Variants in SPATA46 observed in about 807,000 individuals in gnomAD.
SPATA46 encodes spermatogenesis-associated protein 46.
In SPATA46, 3 loss-of-function variants were observed where a neutral mutation model predicts 6.2. That is an observed-to-expected ratio of 0.48 (90% CI 0.22 to 1.25). The LOEUF is 1.25. Among genes scored for constraint, SPATA46 ranks in the 50% most tolerant of loss-of-function variants. SPATA46 has a pLI of 0.20. For synonymous variants in SPATA46, 117 were observed against 123.3 expected (o/e 0.95, Z 0.34); for missense variants, 308 against 323.5 (o/e 0.95, Z 0.37).
At chr1:162,375,616 G>T (rs1647633047) in intron 1 of SPATA46, among the ~76,000 whole-genome samples, 2 of 152,182 alleles carry the variant, frequency 1.3e-5, no homozygotes, top group Admixed American at 1.3e-4. Context: ...GCCTCAGAAA[G>T]ATCCTCTGGA....
intron 1 of SPATA46, 166 bp downstream of exon 1, chr1:162,376,522 A>G (rs1647673599): frequency 4.3e-6 from 3 of 692,390 alleles, no homozygotes; most frequent in Non-Finnish European, 7.1e-6. Context: ...AATACACAGC[A>G]GTAACTACTT....
rs377090890 is a variant in SPATA46 at position 162,375,369 on chromosome 1, G to A, written c.138C>T (p.Ser46=). ...GGGGTGGCAGGGCCTGAGCTGGGCT[G>A]GATGCCTCAGTGGGTACTGCTGTCT... is the stretch of plus-strand genomic sequence containing the variant. ...IAKTAVPTEA[S]SPAQALPPQY... The change falls in exon 2 of 3, where the codon TCC becomes TCT. Residue 46 remains serine (S), a synonymous_variant. Transcript: ENST00000367935. The A allele has an allele frequency of 2.1e-5, 34 of 1,614,024 alleles. No homozygotes were observed. The highest frequency in any genetic ancestry group is 2.7e-5 in the Non-Finnish European group (32 of 1,180,024).
rs758874828 is a variant in SPATA46, at chr1:162,374,541, G to C, written c.293C>G (p.Pro98Arg). 4.3e-6 allele frequency: 7 copies of C among 1,614,060 alleles called. No homozygotes were observed. The Admixed American group carries it at 5.0e-5, about 12-fold the overall frequency. Residue 98 changes from proline to arginine, a missense_variant, in exon 3 of 3, where the codon CCC (proline) becomes CGC (arginine). By Grantham distance (103) the Pro-to-Arg change is moderately radical (BLOSUM62 -2). Transcript: ENST00000367935. ...GTCTGCACACACGAAGTAGCTGTAG[G>C]GGGAGAACCAGGGCCGGTAGATAGT... The part of the protein sequence containing the change: ...NCTIYRPWFS[P>R]YSYFVCADKE...
Position 162,374,014 on chromosome 1 carries a change from A to T in SPATA46, c.*34T>A. The T allele has an allele frequency of 3.2e-6, 5 of 1,558,734 alleles. No homozygotes were observed. The highest frequency in any genetic ancestry group is 4.3e-6 in the Non-Finnish European group (5 of 1,149,846). Reference sequence around the variant, plus strand: ...GCTGTGCGGGGTGACCTCAGACTGGACAGAAGGCTGTGACTAACTTTATTG... The same window carrying T: ...GCTGTGCGGGGTGACCTCAGACTGGTCAGAAGGCTGTGACTAACTTTATTG... On this transcript the variant is annotated 3_prime_UTR_variant, in exon 3 of 3. Coordinates refer to ENST00000367935, the MANE Select transcript of SPATA46 (RefSeq NM_182581.4).
In SPATA46 at chr1:162,373,956, GT is replaced by G; in HGVS notation, c.*91del. 7.5e-7 allele frequency: 1 copy of G among 1,325,090 alleles called. No individual in the cohort carries two copies. The highest frequency in any genetic ancestry group is 1.0e-6 in the Non-Finnish European group (1 of 964,412). 82.1% of individuals were successfully genotyped at this position (1,325,090 alleles called of 1,614,324 possible). ...GTTGCTAGGCAACCATTAGCCAAAG[GT>G]GATGAGAGCCGGGTTCTGGGAAGGA... On this transcript the variant is annotated 3_prime_UTR_variant, in exon 3 of 3. Transcript: ENST00000367935.
rs372797714 is a variant in SPATA46 at position 162,374,574 on chromosome 1, C to T, written c.260G>A (p.Arg87Gln). The T allele has an allele frequency of 5.6e-5, 90 of 1,613,824 alleles. No individual in the cohort carries two copies. Among genetic ancestry groups the T allele is most frequent in the Non-Finnish European group, 6.6e-5 (78 of 1,179,882 alleles). Residue 87 changes from arginine to glutamine, a missense_variant, in exon 3 of 3, where the codon CGG (arginine) becomes CAG (glutamine). Transcript: ENST00000367935. The part of the protein sequence containing the change: ...GDTQHGEKLR[R>Q]NCTIYRPWFS... ...CCAGGGCCGGTAGATAGTGCAGTTC[C>T]GCCTCAGCTTCTCTCCGTGCTGGGT...
chr1:162,376,557 A>G (rs1440926543), intron 1 of SPATA46, 131 bp downstream of exon 1: 1 of 905,240 alleles, frequency 1.1e-6, no homozygotes, highest in Non-Finnish European at 1.7e-6. Context: ...ATTTTGAAAA[A>G]TTATTTTCTC....
Position 162,374,082 on chromosome 1 carries a change from C to T in SPATA46, c.752G>A (p.Arg251Lys). Residue 251 changes from arginine (R) to lysine (K), a missense_variant, in exon 3 of 3, where the codon AGG becomes AAG. Physicochemically the swap from Arg to Lys is conservative, Grantham distance 26. Coordinates refer to ENST00000367935, the MANE Select transcript of SPATA46 (RefSeq NM_182581.4). The stretch of plus-strand genomic sequence containing the variant: ...TAAGTAGGCTTCACCGCCAATTTGC[C>T]TAAGGTGTTCAGCAGGACTATTGAA... ...QAFNSPAEHL[R>K]QIGGEAYLCL The T allele has an allele frequency of 1.2e-6, 2 of 1,612,172 alleles. No individual in the cohort carries two copies. Among genetic ancestry groups the T allele is most frequent in the Non-Finnish European group, 1.7e-6 (2 of 1,179,130 alleles).
At chr1:162,376,649 A>C (rs773215274) in intron 1 of SPATA46, 39 bp downstream of exon 1, 3 of 1,573,312 alleles carry the variant, frequency 1.9e-6, no homozygotes, top group African/African-American at 2.7e-5. Context: ...GCTTCAAAAA[A>C]AACCACATCT....
At position 162,375,533 on chromosome 1, in the gene SPATA46, C is replaced by G. The variant is rs1008404168; in HGVS notation, c.104-130G>C. On this transcript the variant is annotated intron_variant, in intron 1 of 2. Transcript: ENST00000367935. ...CTCAACGCTGAAACAGAACAGTGAC[C>G]TCTCAAACTCAGCCAGGCAGAGCTA... The G allele has an allele frequency of 1.0e-5, 7 of 676,896 alleles. No individual in the cohort carries two copies. In the South Asian group the frequency reaches 1.1e-4, roughly 11 times the overall value. 41.9% of individuals were successfully genotyped at this position (676,896 alleles called of 1,614,324 possible).
chr1:162,375,107 G>A (rs1647603302), intron 2 of SPATA46, among the ~76,000 whole-genome samples, 183 bp downstream of exon 2: 1 of 152,198 alleles, frequency 6.6e-6, no homozygotes, highest in African/African-American at 2.4e-5. Context: ...GAGAGGGGAG[G>A]CAAGGCGAGA....
chr1:162,376,530 C>T, intron 1 of SPATA46, 158 bp downstream of exon 1: 1 of 736,652 alleles, frequency 1.4e-6, no homozygotes, highest in Non-Finnish European at 2.2e-6. Context: ...GCAGTAACTA[C>T]TTACCACAAA....
chr1:162,375,270 A>G lies in SPATA46; in HGVS notation c.217+20T>C, dbSNP rs1647611246. ...CTTAGCCTCTCACACATTCCCGCCCAGAGTCAGAGAAGTCCTCACCTGGTG... is the reference window on the plus strand; with the variant it reads ...CTTAGCCTCTCACACATTCCCGCCCGGAGTCAGAGAAGTCCTCACCTGGTG... On this transcript the variant is annotated intron_variant, in intron 2 of 2. Transcript: ENST00000367935. 1 of 1,585,500 alleles carries G rather than the reference A, an allele frequency of 6.3e-7. No individual in the cohort carries two copies. Among genetic ancestry groups the G allele is most frequent in the Non-Finnish European group, 8.7e-7 (1 of 1,154,246 alleles).
At position 162,374,070 on chromosome 1, in the gene SPATA46, C is replaced by T. The variant is rs752481575; in HGVS notation, c.764G>A (p.Gly255Asp). ...SPAEHLRQIGGEAYLCL is the reference protein window; with the variant it reads ...SPAEHLRQIGDEAYLCL ...TCTCTAGAGACATAAGTAGGCTTCA[C>T]CGCCAATTTGCCTAAGGTGTTCAGC... The change falls in exon 3 of 3, where the codon GGT becomes GAT. Residue 255 changes from glycine to aspartate, a missense_variant. Gly to Asp is a moderately conservative substitution (Grantham distance 94). Transcript: ENST00000367935. 6.8e-6 allele frequency: 11 copies of T among 1,608,820 alleles called. No individual in the cohort carries two copies. Among genetic ancestry groups the T allele is most frequent in the South Asian group, 5.5e-5 (5 of 90,200 alleles).
intron 2 of SPATA46, among the ~76,000 whole-genome samples, 153 bp from the exon 3 acceptor site, chr1:162,374,769 G>C (rs1179044441): frequency 6.6e-6 from 1 of 152,228 alleles, no homozygotes; most frequent in African/African-American, 2.4e-5. Context: ...CAAGACAGTG[G>C]TAAGAGCAGC....
At chr1:162,374,819 A>T (rs138008533) in intron 2 of SPATA46, among the ~76,000 whole-genome samples, 291 of 152,344 alleles carry the variant, frequency 1.9e-3, no homozygotes, top group African/African-American at 5.9e-3. Flanking sequence ...TTCTAGGGGT[A>T]CAAAGGGCCG....
chr1:162,375,142 A>G (rs1647605744), intron 2 of SPATA46, 148 bp downstream of exon 2: 2 of 671,608 alleles, frequency 3.0e-6, no homozygotes, highest in Non-Finnish European at 5.2e-6. Flanking sequence ...GGTGTCTACC[A>G]AAGGAAGAAG....
chr1:162,374,450 G>C lies in SPATA46; in HGVS notation c.384C>G (p.Asn128Lys). The change falls in exon 3 of 3, where the codon AAC (asparagine) becomes AAG (lysine). Residue 128 changes from asparagine (N) to lysine (K), a missense_variant. Transcript: ENST00000367935. ...EVQQDEGKWD[N>K]CLSEDMAENI... ...TCTCAGCCATGTCCTCAGAAAGGCA[G>C]TTGTCCCACTTGCCCTCATCCTGCT... 6.2e-7 allele frequency: 1 copy of C among 1,614,240 alleles called. No individual in the cohort carries two copies. The highest frequency in any genetic ancestry group is 8.5e-7 in the Non-Finnish European group (1 of 1,180,040).
At position 162,375,341 on chromosome 1, in the gene SPATA46, A is replaced by C; in HGVS notation, c.166T>G (p.Tyr56Asp). 6.2e-7 allele frequency: 1 copy of C among 1,614,010 alleles called. No homozygotes were observed. Among genetic ancestry groups the C allele is most frequent in the Non-Finnish European group, 8.5e-7 (1 of 1,179,998 alleles). ...SSPAQALPPQ[Y>D]QSIIVRQGIQ... ...CCTTGCCTGACAATGATGCTTTGGT[A>C]CTGGGGTGGCAGGGCCTGAGCTGGG... is the stretch of plus-strand genomic sequence containing the variant. Residue 56 changes from tyrosine to aspartate, a missense_variant, in exon 2 of 3, where the codon TAC (tyrosine) becomes GAC (aspartate). Tyr to Asp is a radical substitution (Grantham distance 160). Transcript: ENST00000367935.
Sources: gnomAD v4.1 joint callset for allele counts (sites outside exome capture counted in the v4.1 genomes callset) on GRCh38, gnomAD v4.1.1 for gene constraint, MANE v1.5 for transcripts, NCBI Gene and HGNC (gene_info 2026-07-23, HGNC 2026-07-21) for gene names.